EXOC1L: variants seen among roughly 807,000 people sequenced by gnomAD.
EXOC1L encodes exocyst complex component 1 like.
EXOC1L carries 10 observed loss-of-function variants against 4.9 expected under a neutral mutation model. The observed-to-expected ratio is 2.02, with a 90% CI of 1.25 to 3.43. The LOEUF (loss-of-function observed/expected upper bound fraction) is 3.43, where lower values mean the gene tolerates loss of function less well. Among genes scored for constraint, EXOC1L ranks in the 30% most tolerant of loss-of-function variants. EXOC1L has a pLI of 0.00. For synonymous variants in EXOC1L, 41 were observed against 20.8 expected, an observed-to-expected ratio of 1.97 and a Z score of -2.63; for missense variants, 114 against 59.4, an observed-to-expected ratio of 1.92 and a Z score of -3.02.
intron 1 of EXOC1L, 42 bp from the exon 2 acceptor site, chr4:55,831,292 T>G (rs551680457): frequency 1.9e-6 from 1 of 526,234 alleles, no homozygotes; most frequent in African/African-American, 2.0e-5. Context: ...ATTTATTAGC[T>G]TCTAAGAATT....
At chr4:55,830,861 G>A (rs1720011549) in intron 1 of EXOC1L, among the ~76,000 whole-genome samples, 1 of 152,192 alleles carries the variant, frequency 6.6e-6, no homozygotes, top group African/African-American at 2.4e-5. Flanking sequence ...AGTTACTGCG[G>A]TATTTGCTTG....
chr4:55,829,281 C>A (rs982344013), intron 1 of EXOC1L, among the ~76,000 whole-genome samples: 2 of 152,176 alleles, frequency 1.3e-5, no homozygotes, highest in Non-Finnish European at 2.9e-5. Flanking sequence ...CTACTTTAGT[C>A]TTTACACCCT....
chr4:55,821,423 A>G lies in EXOC1L; in HGVS notation c.121+1276A>G, dbSNP rs916303134. ...CTGTGTCTTAAAATATTTTTACTGA[A>G]TATATTAGAGAAGATGCTTATTCCA... On this transcript the variant is annotated intron_variant, in intron 1 of 2. Transcript: ENST00000636125. Among the ~76,000 whole-genome samples the G allele has an allele frequency of 2.6e-5, 4 of 152,268 alleles. No individual in the cohort carries two copies. The South Asian group carries it at 8.3e-4, about 32-fold the overall frequency.
At chr4:55,826,063 C>T (rs1420413398) in intron 1 of EXOC1L, among the ~76,000 whole-genome samples, 1 of 129,984 alleles carries the variant, frequency 7.7e-6, no homozygotes, top group Non-Finnish European at 1.5e-5. Context: ...CCAGCCTGGG[C>T]GACAAGAGCG....
intron 1 of EXOC1L, among the ~76,000 whole-genome samples, chr4:55,829,511 C>A (rs755518565): frequency 5.3e-5 from 8 of 152,158 alleles, no homozygotes; most frequent in Non-Finnish European, 1.0e-4. Flanking sequence ...TACATAACTG[C>A]TGCCAGAAAA....
intron 2 of EXOC1L, among the ~76,000 whole-genome samples, chr4:55,832,073 C>T (rs1720049176): frequency 6.6e-6 from 1 of 152,064 alleles, no homozygotes; most frequent in Admixed American, 6.6e-5. Flanking sequence ...TTACCTTTAA[C>T]TGTTACCCAG....
Position 55,837,199 on chromosome 4 carries a change from A to T in EXOC1L, c.367A>T (p.Lys123Ter). 1 of 702,046 alleles carries T rather than the reference A, an allele frequency of 1.4e-6. No homozygotes were observed. The highest frequency in any genetic ancestry group is 2.7e-5 in the East Asian group (1 of 37,238). The allele number at this position is 702,046 out of a possible 1,614,324, so 43.5% of individuals were successfully genotyped here. ...TVNKLNHAYL[K>*]KDLQIVNFDS... ...AAATAAGCTGAATCATGCATATCTTAAAAAGGACTTACAGATCGTGAACTT... is the reference window on the plus strand; with the variant it reads ...AAATAAGCTGAATCATGCATATCTTTAAAAGGACTTACAGATCGTGAACTT... Residue 123 changes from lysine to a stop codon, truncating the protein, a stop_gained, in exon 3 of 3, where the codon AAA becomes TAA. Transcript: ENST00000636125. LOFTEE classifies it high-confidence loss of function.
intron 2 of EXOC1L, among the ~76,000 whole-genome samples, chr4:55,835,688 T>G (rs956817176): frequency 7.2e-5 from 11 of 152,062 alleles, no homozygotes; most frequent in Admixed American, 5.9e-4. Context: ...CTTAGCCCAC[T>G]TCTTGATCAA....
At chr4:55,827,677 A>T (rs1037105152) in intron 1 of EXOC1L, among the ~76,000 whole-genome samples, 6 of 152,160 alleles carry the variant, frequency 3.9e-5, no homozygotes, top group African/African-American at 1.4e-4. Context: ...TACATTTTTC[A>T]TACCTCCCCA....
intron 1 of EXOC1L, among the ~76,000 whole-genome samples, chr4:55,825,493 C>A (rs544891035): frequency 2.0e-5 from 3 of 152,236 alleles, no homozygotes; most frequent in East Asian, 3.9e-4. Flanking sequence ...AAATCCAGGT[C>A]CACTTGTGCC....
At chr4:55,829,583 G>A (rs1332443933) in intron 1 of EXOC1L, among the ~76,000 whole-genome samples, 2 of 152,128 alleles carry the variant, frequency 1.3e-5, no homozygotes, top group Non-Finnish European at 2.9e-5. Context: ...GAGACTCAAC[G>A]AACAGGTGTT....
At chr4:55,834,821 A>G (rs1200425475) in intron 2 of EXOC1L, among the ~76,000 whole-genome samples, 1 of 151,302 alleles carries the variant, frequency 6.6e-6, no homozygotes, top group Non-Finnish European at 1.5e-5. Flanking sequence ...TTTAATTTTT[A>G]TTTTATTTAT....
chr4:55,829,033 A>G (rs1719958907), intron 1 of EXOC1L, among the ~76,000 whole-genome samples: 1 of 152,130 alleles, frequency 6.6e-6, no homozygotes, highest in Non-Finnish European at 1.5e-5. Flanking sequence ...TTTCCACCCA[A>G]CCAACTCACC....
chr4:55,830,119 G>A (rs1196445874), intron 1 of EXOC1L, among the ~76,000 whole-genome samples: 2 of 152,022 alleles, frequency 1.3e-5, no homozygotes, highest in African/African-American at 2.4e-5. Context: ...TAACTACTCC[G>A]ATCCTTTCCC....
At chr4:55,824,828 T>A (rs1719841300) in intron 1 of EXOC1L, among the ~76,000 whole-genome samples, 1 of 152,132 alleles carries the variant, frequency 6.6e-6, no homozygotes, top group Admixed American at 6.5e-5. Flanking sequence ...GATTTTAGAG[T>A]AGGGATATTA....
chr4:55,829,269 G>T (rs1719965022), intron 1 of EXOC1L, among the ~76,000 whole-genome samples: 1 of 152,096 alleles, frequency 6.6e-6, no homozygotes, highest in South Asian at 2.1e-4. Context: ...TATATATTTT[G>T]TCTACTTTAG....
intron 1 of EXOC1L, among the ~76,000 whole-genome samples, chr4:55,825,553 T>C (rs530330026): frequency 2.0e-5 from 3 of 152,260 alleles, no homozygotes; most frequent in Admixed American, 2.0e-4. Context: ...AAATGCTAGA[T>C]TGGAGCTCAT....
chr4:55,828,471 G>A (rs901055126), intron 1 of EXOC1L, among the ~76,000 whole-genome samples: 5 of 152,116 alleles, frequency 3.3e-5, no homozygotes, highest in South Asian at 2.1e-4. Flanking sequence ...CTTCTCAGAC[G>A]TCTTTCCTGG....
chr4:55,832,519 A>C (rs948347165), intron 2 of EXOC1L, among the ~76,000 whole-genome samples: 1 of 152,014 alleles, frequency 6.6e-6, no homozygotes, highest in Non-Finnish European at 1.5e-5. Context: ...GTACCTCTAG[A>C]TCATTGATGG....
Sources: gnomAD v4.1 joint callset for allele counts (sites outside exome capture counted in the v4.1 genomes callset) on GRCh38, gnomAD v4.1.1 for gene constraint, MANE v1.5 for transcripts, NCBI Gene and HGNC (gene_info 2026-07-23, HGNC 2026-07-21) for gene names.